The following PLXND1 variants were observed in gnomAD, a reference collection of about 807,000 sequenced individuals.
PLXND1 encodes the protein plexin D1.
Under a neutral mutation model 197.7 loss-of-function variants are expected in PLXND1, and 54 were observed. The observed-to-expected ratio is 0.27, with a 90% CI of 0.22 to 0.34. The LOEUF (loss-of-function observed/expected upper bound fraction) is 0.34. Among genes scored for constraint, PLXND1 ranks in the 10% least tolerant of loss-of-function variants. The probability of loss-of-function intolerance (pLI) is 1.00; values close to 1 mark genes in which losing one functional copy is unlikely to be tolerated. For missense variants in PLXND1, 2,127 were observed against 2,699.2 expected (o/e 0.79, Z 4.70); for synonymous variants, 1,180 against 1,161.2 (o/e 1.02, Z -0.33).
chr3:129,563,314 C>T, intron 25 of PLXND1, 74 bp from the exon 26 acceptor site: 1 of 1,281,092 alleles, frequency 7.8e-7, no homozygotes, highest in South Asian at 1.5e-5. Context: ...CAAACACCTT[C>T]ACGCCCCCGT....
intron 2 of PLXND1, 67 bp from the exon 3 acceptor site, chr3:129,586,786 C>G: frequency 1.3e-6 from 2 of 1,551,378 alleles, no homozygotes; most frequent in Non-Finnish European, 1.7e-6. Flanking sequence ...AGGGGACAAC[C>G]TGAGCCCGGG....
At chr3:129,587,985 C>T (rs2085484860) in intron 2 of PLXND1, among the ~76,000 whole-genome samples, 1 of 152,162 alleles carries the variant, frequency 6.6e-6, no homozygotes, top group Non-Finnish European at 1.5e-5. Flanking sequence ...ACCCCTATGT[C>T]CAGGCGTCCA....
At chr3:129,573,800 G>A in intron 12 of PLXND1, 55 bp from the exon 13 acceptor site, 2 of 1,578,488 alleles carry the variant, frequency 1.3e-6, no homozygotes, top group Non-Finnish European at 8.6e-7. Context: ...AGGCCAGCAG[G>A]CTTCTGCCCA....
intron 1 of PLXND1, among the ~76,000 whole-genome samples, chr3:129,604,567 G>A (rs1012325537): frequency 6.6e-6 from 1 of 152,216 alleles, no homozygotes; most frequent in African/African-American, 2.4e-5. Flanking sequence ...AAGTGCTATT[G>A]TTTACCCCAG....
At chr3:129,605,080 G>A (rs1365014054) in intron 1 of PLXND1, among the ~76,000 whole-genome samples, 1 of 152,138 alleles carries the variant, frequency 6.6e-6, no homozygotes, top group Non-Finnish European at 1.5e-5. Context: ...GTACGCCTAG[G>A]TATGCGCGCC....
Position 129,575,756 on chromosome 3 carries a change from C to A in PLXND1, c.2436+10G>T, listed in dbSNP as rs1377928859. Reference sequence around the variant, plus strand: ...CCGCCCTCCGCCCATGCTGGAGTCACCCCACTCACCACCACCTGGTCACAG... The same window carrying A: ...CCGCCCTCCGCCCATGCTGGAGTCAACCCACTCACCACCACCTGGTCACAG... On this transcript the variant is annotated intron_variant, in intron 10 of 35. Coordinates refer to ENST00000324093, the MANE Select transcript of PLXND1 (RefSeq NM_015103.3). 5 of 1,597,622 alleles carry A rather than the reference C, an allele frequency of 3.1e-6. No individual in the cohort carries two copies. The highest frequency in any genetic ancestry group is 1.3e-5 in the African/African-American group (1 of 74,500).
Position 129,555,788 on chromosome 3 carries a change from A to ACTGT in PLXND1, c.*520_*523dup. 2.2e-6 allele frequency: 1 copy of ACTGT among 450,994 alleles called. No homozygotes were observed. The highest frequency in any genetic ancestry group is 3.9e-6 in the Non-Finnish European group (1 of 257,244). 27.9% of individuals were successfully genotyped at this position (450,994 alleles called of 1,614,324 possible). A position where few individuals can be genotyped will look rare whatever the true frequency, so the allele number is the denominator to read the frequency against. On this transcript the variant is annotated 3_prime_UTR_variant, in exon 36 of 36. Transcript: ENST00000324093. ...CAACAAAAATCTGACACTACTTGAA[A>ACTGT]CTGTCTGTGGCCAGGATCCTCTACG...
At chr3:129,603,850 C>T (rs2085745747) in intron 1 of PLXND1, among the ~76,000 whole-genome samples, 1 of 152,192 alleles carries the variant, frequency 6.6e-6, no homozygotes, top group African/African-American at 2.4e-5. Context: ...AGGCTGAGTT[C>T]TGCATTTTGC....
At chr3:129,575,336 G>T in intron 11 of PLXND1, 133 bp downstream of exon 11, 1 of 643,870 alleles carries the variant, frequency 1.6e-6, no homozygotes. Flanking sequence ...ATATGAGGCT[G>T]TGTGTGTGCT....
chr3:129,568,807 C>T (rs2085179441), intron 20 of PLXND1, among the ~76,000 whole-genome samples: 1 of 152,232 alleles, frequency 6.6e-6, no homozygotes, highest in African/African-American at 2.4e-5. Context: ...CCTTGGCCTC[C>T]CAAAGTGCTG....
At position 129,571,833 on chromosome 3, in the gene PLXND1, G is replaced by C. The variant is rs766270548; in HGVS notation, c.3089C>G (p.Thr1030Ser). 6.2e-7 allele frequency: 1 copy of C among 1,611,848 alleles called. No individual in the cohort carries two copies. The highest frequency in any genetic ancestry group is 1.1e-5 in the South Asian group (1 of 90,950). ...DPCTELMRTD[T>S]SIACTMPEGA... ...CTCAGGCATGGTGCAGGCGATGCTG[G>C]TATCTGTGCGCCTGGGGGGAGCAGC... The change falls in exon 16 of 36, where the codon ACC (threonine) becomes AGC (serine). Residue 1030 changes from threonine (T) to serine (S), a missense_variant. This residue lies in a region of PLXND1 where 1,095 missense variants were observed against 1,259.8 expected (regional missense o/e 0.87). Coordinates refer to ENST00000324093, the MANE Select transcript of PLXND1 (RefSeq NM_015103.3).
intron 27 of PLXND1, among the ~76,000 whole-genome samples, chr3:129,562,232 GC>G (rs1325872581): frequency 1.6e-4 from 24 of 152,010 alleles, no homozygotes; most frequent in Non-Finnish European, 4.4e-5. Flanking sequence ...CCCACTCCAG[GC>G]CCCGCGCGGT....
chr3:129,563,465 C>T lies in PLXND1; in HGVS notation c.4522-225G>A, dbSNP rs541085054. 3.3e-5 allele frequency among the ~76,000 whole-genome samples: 5 copies of T among 152,358 alleles called. No homozygotes were observed. In the South Asian group the frequency reaches 1.0e-3, roughly 32 times the overall value. On this transcript the variant is annotated intron_variant, in intron 25 of 35. Transcript: ENST00000324093. The stretch of plus-strand genomic sequence containing the variant: ...GCATTCATTGCATCATCCCGGCAAC[C>T]CTTCCGGATACGGAGTATCATTCTT...
intron 35 of PLXND1, 35 bp downstream of exon 35, chr3:129,556,582 C>T (rs770574510): frequency 4.6e-6 from 7 of 1,524,498 alleles, no homozygotes; most frequent in Non-Finnish European, 6.4e-6. Flanking sequence ...AGCTCACCTA[C>T]CCCGAGGGCA....
intron 24 of PLXND1, 61 bp downstream of exon 24, chr3:129,565,826 T>C: frequency 1.3e-6 from 2 of 1,569,856 alleles, no homozygotes; most frequent in Non-Finnish European, 1.7e-6. Context: ...CAGGACCTGA[T>C]GCTGTGTGGC....
chr3:129,567,383 G>A (rs1324094328), intron 22 of PLXND1, 109 bp downstream of exon 22: 1 of 681,540 alleles, frequency 1.5e-6, no homozygotes. Flanking sequence ...GGACAGCTGT[G>A]CAGGTTTGGC....
chr3:129,582,012 C>T (rs2085394629), intron 8 of PLXND1, among the ~76,000 whole-genome samples: 2 of 152,214 alleles, frequency 1.3e-5, no homozygotes, highest in African/African-American at 4.8e-5. Context: ...CTAGTGGGGT[C>T]CCAACTGTGG....
chr3:129,584,072 G>T (rs1437645829), intron 7 of PLXND1, 53 bp downstream of exon 7: 1 of 1,190,330 alleles, frequency 8.4e-7, no homozygotes. Context: ...GACCCTTCCC[G>T]GGGATGCGTT....
intron 1 of PLXND1, among the ~76,000 whole-genome samples, chr3:129,596,532 A>G (rs918056698): frequency 5.9e-4 from 89 of 152,066 alleles, no homozygotes; most frequent in African/African-American, 2.0e-3. Flanking sequence ...TCCCTGGCCC[A>G]GGGAAAAGGC....
Sources: gnomAD v4.1 joint callset for allele counts (sites outside exome capture counted in the v4.1 genomes callset) on GRCh38, gnomAD v4.1.1 for gene constraint, gnomAD v4.1.1 regional missense constraint, MANE v1.5 for transcripts, NCBI Gene and HGNC (gene_info 2026-07-23, HGNC 2026-07-21) for gene names.